RYK: variants seen among roughly 807,000 people sequenced by gnomAD.
RYK encodes the protein receptor like tyrosine kinase.
RYK carries 21 observed loss-of-function variants against 70.2 expected under a neutral mutation model. The ratio of observed to expected loss-of-function variants is 0.30; its 90% CI spans 0.21 to 0.43. The LOEUF (loss-of-function observed/expected upper bound fraction) is 0.43, where lower values mean the gene tolerates loss of function less well. Among genes scored for constraint, RYK ranks in the 20% least tolerant of loss-of-function variants. RYK has a pLI of 1.00. For missense variants in RYK, 604 were observed against 753.3 expected (o/e 0.80, Z 2.32); for synonymous variants, 267 against 278.0 (o/e 0.96, Z 0.39).
chr3:134,204,573 C>T (rs2014141652), intron 5 of RYK, among the ~76,000 whole-genome samples: 1 of 130,788 alleles, frequency 7.6e-6, no homozygotes, highest in South Asian at 2.8e-4. Flanking sequence ...GGAAAATAAC[C>T]CAATGACACA....
intron 1 of RYK, among the ~76,000 whole-genome samples, chr3:134,229,071 C>A (rs998987576): frequency 2.6e-5 from 4 of 151,912 alleles, no homozygotes; most frequent in African/African-American, 9.7e-5. Context: ...AATAAATAAA[C>A]CTTGACCCCT....
chr3:134,244,391 G>C (rs2015399320), intron 1 of RYK, among the ~76,000 whole-genome samples: 1 of 152,112 alleles, frequency 6.6e-6, no homozygotes. Context: ...GAGGCTTGCG[G>C]TTCTACTCTT....
chr3:134,227,671 CT>C (rs1261955592), intron 1 of RYK, among the ~76,000 whole-genome samples: 1 of 151,772 alleles, frequency 6.6e-6, no homozygotes, highest in African/African-American at 2.4e-5. Context: ...TTTGGAGGTT[CT>C]TTTTTTATTT....
intron 13 of RYK, among the ~76,000 whole-genome samples, chr3:134,164,262 A>T (rs1352069073): frequency 6.6e-6 from 1 of 152,210 alleles, no homozygotes; most frequent in Non-Finnish European, 1.5e-5. Flanking sequence ...TTTTTATTGT[A>T]GTACAGCTGA....
intron 13 of RYK, among the ~76,000 whole-genome samples, chr3:134,164,573 T>C (rs1214852170): frequency 2.0e-5 from 3 of 152,262 alleles, no homozygotes; most frequent in African/African-American, 7.2e-5. Flanking sequence ...ATCTGTGATG[T>C]AGCATGTACC....
chr3:134,215,907 G>A (rs544896211), intron 2 of RYK, among the ~76,000 whole-genome samples: 2 of 151,910 alleles, frequency 1.3e-5, no homozygotes, highest in Non-Finnish European at 2.9e-5. Flanking sequence ...GCATGGTGGT[G>A]GGCACATGCT....
chr3:134,242,232 G>T (rs1244952771), intron 1 of RYK, among the ~76,000 whole-genome samples: 1 of 151,790 alleles, frequency 6.6e-6, no homozygotes, highest in East Asian at 1.9e-4. Context: ...TTGAACCCAG[G>T]AGGCAGAGGT....
intron 4 of RYK, among the ~76,000 whole-genome samples, chr3:134,208,924 T>C (rs556619345): frequency 6.6e-6 from 1 of 151,172 alleles, no homozygotes; most frequent in African/African-American, 2.5e-5. Context: ...TAAAGTATAT[T>C]TCCCCCCCCC....
At chr3:134,217,472 T>C (rs1269556016) in intron 2 of RYK, among the ~76,000 whole-genome samples, 2 of 152,138 alleles carry the variant, frequency 1.3e-5, no homozygotes, top group Non-Finnish European at 2.9e-5. Context: ...TGGGTCTTAA[T>C]TTCCTCACAG....
chr3:134,230,260 T>C (rs2015019769), intron 1 of RYK, among the ~76,000 whole-genome samples: 1 of 152,192 alleles, frequency 6.6e-6, no homozygotes, highest in Non-Finnish European at 1.5e-5. Flanking sequence ...CTAATTTTTG[T>C]ATTTTTAGTA....
intron 1 of RYK, among the ~76,000 whole-genome samples, chr3:134,248,824 A>G (rs1024782591): frequency 6.6e-6 from 1 of 152,116 alleles, no homozygotes; most frequent in Non-Finnish European, 1.5e-5. Flanking sequence ...TGTGACCTTG[A>G]GCAAGTTACT....
chr3:134,178,957 A>C (rs1019822744), intron 10 of RYK: 1 of 152,220 alleles, frequency 6.6e-6, no homozygotes, highest in Non-Finnish European at 1.5e-5. Context: ...TGCTATATAA[A>C]ACAAACATTT....
At chr3:134,236,856 G>A (rs572588417) in intron 1 of RYK, among the ~76,000 whole-genome samples, 3 of 152,222 alleles carry the variant, frequency 2.0e-5, no homozygotes, top group South Asian at 2.1e-4. Context: ...GGACAGCCAC[G>A]AACTAAAGAG....
intron 3 of RYK, among the ~76,000 whole-genome samples, chr3:134,210,904 T>C (rs1404472279): frequency 1.3e-5 from 2 of 152,160 alleles, no homozygotes; most frequent in Non-Finnish European, 2.9e-5. Flanking sequence ...ATCTTGAGTC[T>C]TGCAGAATGA....
intron 13 of RYK, among the ~76,000 whole-genome samples, chr3:134,167,836 C>T (rs1214357839): frequency 6.6e-6 from 1 of 152,106 alleles, no homozygotes; most frequent in East Asian, 1.9e-4. Flanking sequence ...AGTGAACAGG[C>T]AACCTACAAA....
At chr3:134,230,562 CAA>C (rs2015027412) in intron 1 of RYK, among the ~76,000 whole-genome samples, 1 of 152,124 alleles carries the variant, frequency 6.6e-6, no homozygotes, top group South Asian at 2.1e-4. Flanking sequence ...AGAAACTACA[CAA>C]GAGAGTATAT....
At chr3:134,222,635 T>C in intron 1 of RYK, 96 bp from the exon 2 acceptor site, 1 of 1,102,434 alleles carries the variant, frequency 9.1e-7, no homozygotes, top group South Asian at 1.6e-5. Context: ...AAGATAATAT[T>C]GATAAGCAAA....
At chr3:134,217,405 A>G (rs1230393344) in intron 2 of RYK, among the ~76,000 whole-genome samples, 3 of 152,106 alleles carry the variant, frequency 2.0e-5, no homozygotes, top group African/African-American at 7.2e-5. Context: ...GGTCATCTCT[A>G]CCTTCTGCTT....
chr3:134,182,225 T>G (rs1296087914), intron 10 of RYK, among the ~76,000 whole-genome samples: 1 of 152,178 alleles, frequency 6.6e-6, no homozygotes, highest in Non-Finnish European at 1.5e-5. Flanking sequence ...GCATAATGAT[T>G]GTATACCAGA....
Sources: allele counts gnomAD v4.1 joint callset (sites outside exome capture counted in the v4.1 genomes callset), GRCh38; gene constraint gnomAD v4.1.1; transcripts MANE v1.5; gene names NCBI Gene and HGNC (gene_info 2026-07-23, HGNC 2026-07-21).